Variants in SLC7A6OS observed in about 807,000 individuals in gnomAD.
SLC7A6OS encodes the protein solute carrier family 7 member 6 opposite strand, also known as probable RNA polymerase II nuclear localization protein SLC7A6OS.
SLC7A6OS carries 22 observed loss-of-function variants against 34.3 expected under a neutral mutation model. The observed-to-expected ratio is 0.64, with a 90% CI of 0.46 to 0.92. The LOEUF (loss-of-function observed/expected upper bound fraction) is 0.92, where lower values mean the gene tolerates loss of function less well. SLC7A6OS is among the 40% of genes least tolerant of loss of function. The probability of loss-of-function intolerance (pLI) is 0.00; values close to 1 mark genes in which losing one functional copy is unlikely to be tolerated. For synonymous variants in SLC7A6OS, 199 were observed against 165.0 expected (o/e 1.21, Z -1.58); for missense variants, 434 against 407.7 (o/e 1.06, Z -0.56).
In SLC7A6OS at chr16:68,307,249, C is replaced by A. The variant is rs556489215; in HGVS notation, c.472-3017G>T. 2.0e-5 allele frequency among the ~76,000 whole-genome samples: 3 copies of A among 152,274 alleles called. No individual in the cohort carries two copies. The East Asian group carries it at 5.8e-4, about 29-fold the overall frequency. On this transcript the variant is annotated intron_variant, in intron 2 of 4. Coordinates refer to ENST00000263997, the MANE Select transcript of SLC7A6OS (RefSeq NM_032178.3). The stretch of plus-strand genomic sequence containing the variant: ...TGAGTTAAATTAAAAGAAAATATAA[C>A]AAGTACCTAGCACGCTATTTGACAT...
Position 68,304,018 on chromosome 16 carries a change from C to T in SLC7A6OS, c.678+8G>A, listed in dbSNP as rs2043307450. ...CCTCATGCCCCGTCTGCTCATGGGC[C>T]CCCTTACCAGCTCCCATTCTTGGCT... On this transcript the variant is annotated splice_region_variant and intron_variant, in intron 3 of 4. Coordinates refer to ENST00000263997, the MANE Select transcript of SLC7A6OS (RefSeq NM_032178.3). 3 of 1,612,490 alleles carry T rather than the reference C, an allele frequency of 1.9e-6. No homozygotes were observed. Among genetic ancestry groups the T allele is most frequent in the Non-Finnish European group, 2.5e-6 (3 of 1,179,610 alleles).
intron 2 of SLC7A6OS, among the ~76,000 whole-genome samples, chr16:68,309,162 A>G (rs1056438368): frequency 6.6e-6 from 1 of 151,682 alleles, no homozygotes; most frequent in African/African-American, 2.4e-5. Context: ...TGACTTGATC[A>G]CAGCTCACTG....
At position 68,301,308 on chromosome 16, in the gene SLC7A6OS, G is replaced by C; in HGVS notation, c.897C>G (p.Gly299=). ...AATCCAGGTCGTGGGGGCTGTCATA[G>C]CCGAACTCCTTCTGCACATCCAGAG... ...KYPLDVQKEF[G]YDSPHDLDSD is the part of the protein sequence containing the mutation. The change falls in exon 5 of 5, where the codon GGC becomes GGG. Residue 299 remains glycine, a synonymous_variant. Transcript: ENST00000263997. The C allele has an allele frequency of 6.2e-7, 1 of 1,614,150 alleles. No homozygotes were observed.
rs762087304 is a variant in SLC7A6OS, at chr16:68,310,792, A to C, written c.135T>G (p.Gly45=). ...CATTATTCTCCGCCGCTCTCTCCAA[A>C]CCCTCCGACGTCTTCTGTGCCGCTG... ...VESAAQKTSE[G]LERAAENNVF... is the part of the protein sequence containing the mutation. Residue 45 remains glycine (G), a synonymous_variant, in exon 1 of 5, where the codon GGT becomes GGG. Transcript: ENST00000263997. 1 of 1,613,678 alleles carries C rather than the reference A, an allele frequency of 6.2e-7. No individual in the cohort carries two copies. Among genetic ancestry groups the C allele is most frequent in the South Asian group, 1.1e-5 (1 of 91,064 alleles).
rs757744796 is a variant in SLC7A6OS at position 68,310,324 on chromosome 16, G to T, written c.471+11C>A. The T allele has an allele frequency of 1.4e-5, 22 of 1,586,582 alleles. No individual in the cohort carries two copies. Among genetic ancestry groups the T allele is most frequent in the Admixed American group, 1.0e-4 (6 of 58,314 alleles). ...GAGAAGCCCAGCGACCACCTTCAGG[G>T]GCATACTCACTTTGCAGGAGCCTGC... On this transcript the variant is annotated intron_variant, in intron 2 of 4. Coordinates refer to ENST00000263997, the MANE Select transcript of SLC7A6OS (RefSeq NM_032178.3).
intron 2 of SLC7A6OS, 87 bp from the exon 3 acceptor site, chr16:68,304,319 G>C: frequency 8.1e-7 from 1 of 1,230,458 alleles, no homozygotes; most frequent in Non-Finnish European, 1.2e-6. Flanking sequence ...GGTGAAGGAA[G>C]GCTCCCTACA....
Position 68,298,206 on chromosome 16 carries a change from G to T in SLC7A6OS, c.*3069C>A, listed in dbSNP as rs1277427087. 1 of 152,602 alleles carries T rather than the reference G, an allele frequency of 6.6e-6. No individual in the cohort carries two copies. The highest frequency in any genetic ancestry group is 1.9e-4 in the East Asian group (1 of 5,196). 9.5% of individuals were successfully genotyped at this position (152,602 alleles called of 1,614,324 possible). ...AAGGACAATCCTTTATTTTACTTGA[G>T]ACCTTACATCTTTGTTCTAGCTGAC... is the stretch of plus-strand genomic sequence containing the variant. On this transcript the variant is annotated 3_prime_UTR_variant, in exon 5 of 5. Coordinates refer to ENST00000263997, the MANE Select transcript of SLC7A6OS (RefSeq NM_032178.3).
At chr16:68,309,424 C>T (rs991147885) in intron 2 of SLC7A6OS, among the ~76,000 whole-genome samples, 2 of 151,910 alleles carry the variant, frequency 1.3e-5, no homozygotes, top group African/African-American at 2.4e-5. Flanking sequence ...ATGCCACTGC[C>T]GCACAATCAT....
Position 68,304,043 on chromosome 16 carries a change from T to G in SLC7A6OS, c.661A>C (p.Ser221Arg). ...CCCCTTACCAGCTCCCATTCTTGGC[T>G]GTAGGGCTGCACGGAGAGGATGTTC... ...IENILSVQPY[S>R]QEWELVNDDQ... Residue 221 changes from serine (S) to arginine (R), a missense_variant, in exon 3 of 5, where the codon AGC (serine) becomes CGC (arginine). Physicochemically the swap from Ser to Arg is moderately radical, Grantham distance 110. Transcript: ENST00000263997. The G allele has an allele frequency of 6.2e-7, 1 of 1,613,586 alleles. No homozygotes were observed. The highest frequency in any genetic ancestry group is 1.1e-5 in the South Asian group (1 of 91,042).
rs371334923 is a variant in SLC7A6OS, at chr16:68,310,534, C to A, written c.272G>T (p.Arg91Leu). 218 of 1,582,496 alleles carry A rather than the reference C, an allele frequency of 1.4e-4. No homozygotes were observed. The highest frequency in any genetic ancestry group is 1.8e-4 in the Admixed American group (10 of 55,032). ...DSQQRVRRNLRASAREVRQEG... is the reference protein window; with the variant it reads ...DSQQRVRRNLLASAREVRQEG... The stretch of plus-strand genomic sequence containing the variant: ...CTGCCGGACCTCCCGAGCCGAGGCG[C>A]GGAGATTACGGCGGACACGCTGCTG... The change falls in exon 2 of 5, where the codon CGC (arginine) becomes CTC (leucine). Residue 91 changes from arginine to leucine, a missense_variant. Coordinates refer to ENST00000263997, the MANE Select transcript of SLC7A6OS (RefSeq NM_032178.3).
At position 68,301,282 on chromosome 16, in the gene SLC7A6OS, G is replaced by A; in HGVS notation, c.923C>T (p.Ser308Leu). ...FGYDSPHDLD[S>L]D ...ATGGACATCACAAGACCATCAGTCT[G>A]AATCCAGGTCGTGGGGGCTGTCATA... Residue 308 changes from serine (S) to leucine (L), a missense_variant, in exon 5 of 5, where the codon TCA becomes TTA. Ser to Leu is a moderately radical substitution (Grantham distance 145, BLOSUM62 -2). Transcript: ENST00000263997. 6.2e-7 allele frequency: 1 copy of A among 1,614,060 alleles called. No individual in the cohort carries two copies. Among genetic ancestry groups the A allele is most frequent in the Non-Finnish European group, 8.5e-7 (1 of 1,179,938 alleles).
chr16:68,309,410 T>C (rs1195476890), intron 2 of SLC7A6OS, among the ~76,000 whole-genome samples: 1 of 152,052 alleles, frequency 6.6e-6, no homozygotes, highest in Non-Finnish European at 1.5e-5. Flanking sequence ...TCACCTAGGC[T>C]GAAATGCCAC....
In SLC7A6OS at chr16:68,301,016, CT is replaced by C; in HGVS notation, c.*258del. The C allele has an allele frequency of 8.8e-7, 1 of 1,130,510 alleles. No individual in the cohort carries two copies. Among genetic ancestry groups the C allele is most frequent in the Non-Finnish European group, 1.1e-6 (1 of 924,526 alleles). The allele number at this position is 1,130,510 out of a possible 1,614,324, so 70.0% of individuals were successfully genotyped here. A position where few individuals can be genotyped will look rare whatever the true frequency, so the allele number is the denominator to read the frequency against. On this transcript the variant is annotated 3_prime_UTR_variant, in exon 5 of 5. Coordinates refer to ENST00000263997, the MANE Select transcript of SLC7A6OS (RefSeq NM_032178.3). ...AGAAGCTAAAGCTAAAGAAACCTTC[CT>C]TTTTTCAACGTTTTTTTTTCTTTCA...
At chr16:68,304,273 A>C in intron 2 of SLC7A6OS, 41 bp from the exon 3 acceptor site, 1 of 1,562,256 alleles carries the variant, frequency 6.4e-7, no homozygotes, top group Non-Finnish European at 8.8e-7. Flanking sequence ...GCATGACCCA[A>C]AACATGATGT....
At chr16:68,302,355 C>T (rs1567602125) in intron 4 of SLC7A6OS, 26 bp downstream of exon 4, 5 of 1,613,666 alleles carry the variant, frequency 3.1e-6, no homozygotes, top group East Asian at 4.5e-5. Flanking sequence ...CCTACCAGTC[C>T]CTCCCGGTCT....
In SLC7A6OS at chr16:68,299,724, G is replaced by C. The variant is rs747342601; in HGVS notation, c.*1551C>G. 3 of 152,086 alleles carry C rather than the reference G, an allele frequency of 2.0e-5. No homozygotes were observed. Among genetic ancestry groups the C allele is most frequent in the Non-Finnish European group, 4.4e-5 (3 of 68,014 alleles). 9.4% of individuals were successfully genotyped at this position (152,086 alleles called of 1,614,324 possible). ...GTATGAGAATGGCTTTCAATCCTTT[G>C]TTTCTATGCCTACAGACAGAAAGCA... On this transcript the variant is annotated 3_prime_UTR_variant, in exon 5 of 5. Transcript: ENST00000263997.
In SLC7A6OS at chr16:68,302,386, G is replaced by T; in HGVS notation, c.794C>A (p.Ser265Tyr). 1.9e-6 allele frequency: 3 copies of T among 1,614,116 alleles called. No homozygotes were observed. The South Asian group carries it at 3.3e-5, about 18-fold the overall frequency. Residue 265 changes from serine (S) to tyrosine (Y), a missense_variant, in exon 4 of 5, where the codon TCC (serine) becomes TAC (tyrosine). By Grantham distance (144) the Ser-to-Tyr change is moderately radical (BLOSUM62 -2). Coordinates refer to ENST00000263997, the MANE Select transcript of SLC7A6OS (RefSeq NM_032178.3). ...EEESSDGDEDSRGSADYNSLS... is the reference protein window; with the variant it reads ...EEESSDGDEDYRGSADYNSLS... ...GGTCTGGGGCTGCCACCCACCTCTGGAATCCTCATCTCCATCACTGCTCTC... is the reference window on the plus strand; with the variant it reads ...GGTCTGGGGCTGCCACCCACCTCTGTAATCCTCATCTCCATCACTGCTCTC...
rs572440413 is a variant in SLC7A6OS at position 68,310,468 on chromosome 16, C to T, written c.338G>A (p.Gly113Glu). ...YRVLSSRRSL[G>E]TTSSGQESEY... Reference sequence around the variant, plus strand: ...GGACTCCTGGCCGCTCGAGGTGGTCCCCAAGGATCGGCGGCTGGAAAGCAC... The same window carrying T: ...GGACTCCTGGCCGCTCGAGGTGGTCTCCAAGGATCGGCGGCTGGAAAGCAC... The change falls in exon 2 of 5, where the codon GGG becomes GAG. Residue 113 changes from glycine to glutamate, a missense_variant. Coordinates refer to ENST00000263997, the MANE Select transcript of SLC7A6OS (RefSeq NM_032178.3). 2.5e-6 allele frequency: 4 copies of T among 1,600,210 alleles called. No homozygotes were observed. The East Asian group carries it at 9.0e-5, about 36-fold the overall frequency.
intron 2 of SLC7A6OS, among the ~76,000 whole-genome samples, chr16:68,309,437 C>A (rs2043378394): frequency 6.6e-6 from 1 of 152,052 alleles, no homozygotes; most frequent in Non-Finnish European, 1.5e-5. Context: ...ACAATCATGG[C>A]TCACTGTAGC....
Sources: gnomAD v4.1 joint callset for allele counts (sites outside exome capture counted in the v4.1 genomes callset) on GRCh38, gnomAD v4.1.1 for gene constraint, MANE v1.5 for transcripts, NCBI Gene and HGNC (gene_info 2026-07-23, HGNC 2026-07-21) for gene names.